The following ZNF407 variants were observed in gnomAD, a reference collection of about 807,000 sequenced individuals.
ZNF407 encodes zinc finger protein 407.
ZNF407 carries 17 observed loss-of-function variants against 131.2 expected under a neutral mutation model. The observed-to-expected ratio is 0.13, with a 90% confidence interval of 0.09 to 0.19. The LOEUF (loss-of-function observed/expected upper bound fraction) is 0.19. ZNF407 is among the 10% of genes least tolerant of loss of function. The pLI, the probability that ZNF407 is intolerant of heterozygous loss-of-function variation, is 1.00. For missense variants in ZNF407, 2,681 were observed against 2,830.6 expected (o/e 0.95, Z 1.20); for synonymous variants, 1,156 against 1,062.0 (o/e 1.09, Z -1.72).
Position 74,633,774 on chromosome 18 carries a change from AT to A in ZNF407, c.2756del (p.Ile919ThrfsTer21). The A allele has an allele frequency of 6.2e-7, 1 of 1,614,016 alleles. No homozygotes were observed. ...IEASGKHSSD[I>X]IVGPEGGSLE... ...AGCAAGTGGAAAACACAGTTCAGAT[AT>A]CATTGTTGGCCCTGAAGGGGGTAGC... On this transcript the variant is annotated frameshift_variant, in exon 2 of 9. Coordinates refer to ENST00000299687, the MANE Select transcript of ZNF407 (RefSeq NM_017757.3). LOFTEE classifies it high-confidence loss of function.
chr18:74,623,166 G>A (rs528230324), intron 1 of ZNF407, among the ~76,000 whole-genome samples: 1 of 134,108 alleles, frequency 7.5e-6, no homozygotes, highest in Admixed American at 7.7e-5. Flanking sequence ...GCGTGTGTGT[G>A]TACGTGTGAA....
Position 74,634,782 on chromosome 18 carries a change from G to A in ZNF407, c.3763G>A (p.Asp1255Asn), listed in dbSNP as rs755539460. 15 of 1,613,896 alleles carry A rather than the reference G, an allele frequency of 9.3e-6. No individual in the cohort carries two copies. In the East Asian group the frequency reaches 1.1e-4, roughly 12 times the overall value. Reference sequence around the variant, plus strand: ...CAGACACCTGTGCCCTGTGACGCTCGATGGGGAGCGCTCGGCTGAAAGCCC... The same window carrying A: ...CAGACACCTGTGCCCTGTGACGCTCAATGGGGAGCGCTCGGCTGAAAGCCC... Reference protein sequence around the residue: ...PHRHLCPVTLDGERSAESPVL... With the variant: ...PHRHLCPVTLNGERSAESPVL... The change falls in exon 2 of 9, where the codon GAT becomes AAT. Residue 1255 changes from aspartate (D) to asparagine (N), a missense_variant. Coordinates refer to ENST00000299687, the MANE Select transcript of ZNF407 (RefSeq NM_017757.3).
chr18:74,782,403 T>C (rs950433399), intron 4 of ZNF407, among the ~76,000 whole-genome samples: 13 of 152,226 alleles, frequency 8.5e-5, no homozygotes, highest in African/African-American at 2.9e-4. Context: ...TTTTCTCTGT[T>C]AATGGGAATT....
intron 8 of ZNF407, among the ~76,000 whole-genome samples, chr18:75,030,578 CTG>C (rs1257132486): frequency 6.6e-6 from 1 of 152,194 alleles, no homozygotes; most frequent in African/African-American, 2.4e-5. Flanking sequence ...TTACCTTTGA[CTG>C]TGTGCTGTTG....
Position 74,602,570 on chromosome 18 carries a change from T to A in ZNF407, c.-54+4633T>A, listed in dbSNP as rs562657007. Among the ~76,000 whole-genome samples, 15 of 152,282 alleles carry A rather than the reference T, an allele frequency of 9.9e-5. 1 individual carries two copies. In the South Asian group the frequency reaches 2.9e-3, roughly 29 times the overall value. ...ACACTGTGCCAGGTGCCTCTGTACA[T>A]AATCTCATTTAATTCCCCCAAATCT... is the stretch of plus-strand genomic sequence containing the variant. On this transcript the variant is annotated intron_variant, in intron 1 of 8. Coordinates refer to ENST00000299687, the MANE Select transcript of ZNF407 (RefSeq NM_017757.3).
At chr18:75,001,739 G>A (rs993514106) in intron 8 of ZNF407, among the ~76,000 whole-genome samples, 1 of 152,198 alleles carries the variant, frequency 6.6e-6, no homozygotes, top group Non-Finnish European at 1.5e-5. Flanking sequence ...AGTTTTGCAA[G>A]CATATTTTAT....
At chr18:74,701,019 G>A (rs922790941) in intron 3 of ZNF407, among the ~76,000 whole-genome samples, 6 of 152,128 alleles carry the variant, frequency 3.9e-5, no homozygotes, top group African/African-American at 1.4e-4. Flanking sequence ...GATCTTAAGG[G>A]TGGGGTCCTC....
At chr18:74,885,208 A>G (rs774629123) in intron 6 of ZNF407, among the ~76,000 whole-genome samples, 2 of 152,140 alleles carry the variant, frequency 1.3e-5, no homozygotes, top group African/African-American at 2.4e-5. Flanking sequence ...ACACAGACCA[A>G]TGGAACAGAA....
intron 8 of ZNF407, among the ~76,000 whole-genome samples, chr18:75,045,997 C>G (rs1439536590): frequency 6.6e-6 from 1 of 152,160 alleles, no homozygotes; most frequent in Non-Finnish European, 1.5e-5. Flanking sequence ...ATGAACCAAC[C>G]AGCTCCAACA....
At chr18:74,654,993 T>C (rs1199600307) in intron 3 of ZNF407, among the ~76,000 whole-genome samples, 3 of 151,978 alleles carry the variant, frequency 2.0e-5, no homozygotes, top group African/African-American at 7.2e-5. Flanking sequence ...ATTTTAAAAA[T>C]GACTAAAAAG....
intron 1 of ZNF407, among the ~76,000 whole-genome samples, chr18:74,628,363 A>G (rs902959368): frequency 3.3e-5 from 5 of 152,254 alleles, no homozygotes; most frequent in Non-Finnish European, 7.4e-5. Context: ...TTATCACCTC[A>G]GAAAGAAACC....
At chr18:74,915,644 A>G (rs1599240060) in intron 7 of ZNF407, among the ~76,000 whole-genome samples, 8 of 63,920 alleles carry the variant, frequency 1.3e-4, no homozygotes, top group South Asian at 6.8e-4. Context: ...GTGTGCGTGC[A>G]TGTGTGTGCT....
intron 4 of ZNF407, among the ~76,000 whole-genome samples, chr18:74,838,635 T>C (rs1424050039): frequency 6.6e-6 from 1 of 152,206 alleles, no homozygotes; most frequent in Non-Finnish European, 1.5e-5. Context: ...TTAAAAGTTC[T>C]CTTTGCATTG....
chr18:74,764,398 T>A (rs776572803), intron 3 of ZNF407, among the ~76,000 whole-genome samples: 2 of 152,342 alleles, frequency 1.3e-5, no homozygotes, highest in Admixed American at 1.3e-4. Flanking sequence ...TCATGTGTTT[T>A]ATTTCTAGAC....
chr18:74,658,825 A>G (rs748450168), intron 3 of ZNF407, among the ~76,000 whole-genome samples: 1 of 152,218 alleles, frequency 6.6e-6, no homozygotes, highest in Non-Finnish European at 1.5e-5. Flanking sequence ...TTATTCAACT[A>G]TGATAGTCAC....
At chr18:74,675,668 G>A (rs909897690) in intron 3 of ZNF407, among the ~76,000 whole-genome samples, 2 of 152,072 alleles carry the variant, frequency 1.3e-5, no homozygotes, top group African/African-American at 4.8e-5. Context: ...TTCCTGTTAC[G>A]CTGTTAGCTT....
At chr18:74,836,644 T>C (rs1970563731) in intron 4 of ZNF407, among the ~76,000 whole-genome samples, 1 of 152,238 alleles carries the variant, frequency 6.6e-6, no homozygotes, top group African/African-American at 2.4e-5. Context: ...TCTCTTTAGG[T>C]GTTTGATGGA....
At chr18:74,788,625 A>AAC (rs1344695560) in intron 4 of ZNF407, among the ~76,000 whole-genome samples, 1 of 150,736 alleles carries the variant, frequency 6.6e-6, no homozygotes, top group African/African-American at 2.4e-5. Flanking sequence ...AAAAAAAAAA[A>AAC]AAAACACCAC....
intron 8 of ZNF407, among the ~76,000 whole-genome samples, chr18:75,025,884 A>G (rs984599553): frequency 3.9e-5 from 6 of 152,232 alleles, no homozygotes; most frequent in South Asian, 2.1e-4. Flanking sequence ...ATGTTCTTCA[A>G]ATACTTCTTT....
Sources: gnomAD v4.1 joint callset for allele counts (sites outside exome capture counted in the v4.1 genomes callset) on GRCh38, gnomAD v4.1.1 for gene constraint, MANE v1.5 for transcripts, NCBI Gene and HGNC (gene_info 2026-07-23, HGNC 2026-07-21) for gene names.